The following NCOA2 variants were observed in gnomAD, a reference collection of about 807,000 sequenced individuals.
NCOA2 encodes class E basic helix-loop-helix protein 75.
In NCOA2, 21 loss-of-function variants were observed where a neutral mutation model predicts 145.1. That is an observed-to-expected ratio of 0.14 (90% CI 0.10 to 0.21). The LOEUF (loss-of-function observed/expected upper bound fraction) is 0.21, where lower values mean the gene tolerates loss of function less well. Among genes scored for constraint, NCOA2 ranks in the 10% least tolerant of loss-of-function variants. NCOA2 has a pLI of 1.00. For synonymous variants in NCOA2, 619 were observed against 637.5 expected, an observed-to-expected ratio of 0.97 and a Z score of 0.44; for missense variants, 1,472 against 1,837.6, an observed-to-expected ratio of 0.80 and a Z score of 3.64.
chr8:70,313,779 A>G (rs1389265006), intron 1 of NCOA2, among the ~76,000 whole-genome samples: 1 of 152,194 alleles, frequency 6.6e-6, no homozygotes, highest in Non-Finnish European at 1.5e-5. Context: ...ATGTTTATAC[A>G]AGTTTCTCCC....
At chr8:70,151,818 GTTC>G (rs1262585895) in intron 11 of NCOA2, among the ~76,000 whole-genome samples, 3 of 152,128 alleles carry the variant, frequency 2.0e-5, no homozygotes, top group East Asian at 1.9e-4. Context: ...CACTTTACAT[GTTC>G]TTCTTCAAGG....
intron 2 of NCOA2, among the ~76,000 whole-genome samples, chr8:70,295,298 G>A (rs1827010332): frequency 6.6e-6 from 1 of 152,194 alleles, no homozygotes; most frequent in South Asian, 2.1e-4. Flanking sequence ...GTATCAAGTG[G>A]CAGGTAGTGG....
chr8:70,286,103 A>T (rs1489957456), intron 2 of NCOA2, among the ~76,000 whole-genome samples: 4 of 152,176 alleles, frequency 2.6e-5, no homozygotes, highest in Non-Finnish European at 5.9e-5. Flanking sequence ...GCACTTCTTT[A>T]TATTCTAATG....
At chr8:70,288,943 G>A (rs984806714) in intron 2 of NCOA2, among the ~76,000 whole-genome samples, 2 of 151,990 alleles carry the variant, frequency 1.3e-5, no homozygotes, top group African/African-American at 4.8e-5. Flanking sequence ...AAAGCATCTA[G>A]TTACAAAAAA....
At chr8:70,173,593 T>A (rs1814485429) in intron 5 of NCOA2, among the ~76,000 whole-genome samples, 1 of 152,186 alleles carries the variant, frequency 6.6e-6, no homozygotes, top group Non-Finnish European at 1.5e-5. Flanking sequence ...TTTGCTTTTC[T>A]CCTGGAAAGG....
At chr8:70,443,298 G>C in the NCOA2 span, among the ~76,000 whole-genome samples, 1 of 152,082 alleles carries the variant, frequency 6.6e-6, no homozygotes, top group Non-Finnish European at 1.5e-5. Context: ...GAGCCCAGGA[G>C]GTTGAGGCTG....
intron 2 of NCOA2, among the ~76,000 whole-genome samples, chr8:70,242,286 T>TTA (rs2134475380): frequency 6.6e-6 from 1 of 152,284 alleles, no homozygotes; most frequent in African/African-American, 2.4e-5. Flanking sequence ...AATGTCAAGA[T>TTA]TATAGTGTTT....
intron 4 of NCOA2, among the ~76,000 whole-genome samples, 197 bp downstream of exon 4, chr8:70,213,706 G>C (rs540046873): frequency 6.6e-6 from 1 of 151,962 alleles, no homozygotes; most frequent in African/African-American, 2.4e-5. Context: ...CTGTCTTTAG[G>C]GTATGGCTGA....
rs756460168 is a variant in NCOA2, at chr8:70,144,647, C to T, written c.2807G>A (p.Ser936Asn). ...CAGTGCATTTGACCCCTTACCTGTGCTACTGTTCCCTAAATTTCCTTGGTT... is the reference window on the plus strand; with the variant it reads ...CAGTGCATTTGACCCCTTACCTGTGTTACTGTTCCCTAAATTTCCTTGGTT... ...IGNQGNLGNS[S>N]TGMIGNSASR... The change falls in exon 13 of 23, where the codon AGC becomes AAC. Residue 936 changes from serine (S) to asparagine (N), a missense_variant. Ser to Asn is a conservative substitution (Grantham distance 46). This residue lies in a region of NCOA2 where 953 missense variants were observed against 1,062.1 expected (regional missense o/e 0.90). Transcript: ENST00000452400. 1.2e-6 allele frequency: 2 copies of T among 1,613,078 alleles called. No individual in the cohort carries two copies. Among genetic ancestry groups the T allele is most frequent in the African/African-American group, 1.3e-5 (1 of 75,028 alleles).
intron 1 of NCOA2, among the ~76,000 whole-genome samples, chr8:70,330,478 GAA>G (rs1806996008): frequency 6.6e-6 from 1 of 151,092 alleles, no homozygotes; most frequent in Admixed American, 6.6e-5. Flanking sequence ...GGCTGAGATG[GAA>G]AGATTGTTGG....
chr8:70,211,196 C>G (rs1244938321), intron 4 of NCOA2, among the ~76,000 whole-genome samples: 1 of 152,190 alleles, frequency 6.6e-6, no homozygotes, highest in Non-Finnish European at 1.5e-5. Flanking sequence ...CACAGTGGCT[C>G]ATGCCTGTAA....
intron 2 of NCOA2, among the ~76,000 whole-genome samples, chr8:70,253,701 T>A (rs1290458559): frequency 6.6e-6 from 1 of 152,132 alleles, no homozygotes; most frequent in African/African-American, 2.4e-5. Flanking sequence ...GATATCCTCA[T>A]GAAAAAGAAT....
At chr8:70,402,099 C>T (rs903861344) in intron 1 of NCOA2, 2 of 152,186 alleles carry the variant, frequency 1.3e-5, no homozygotes, top group African/African-American at 4.8e-5. Flanking sequence ...GCATGCAACT[C>T]TGCTCTAACT....
intron 1 of NCOA2, among the ~76,000 whole-genome samples, chr8:70,360,290 T>C (rs1015142841): frequency 6.6e-6 from 1 of 152,222 alleles, no homozygotes; most frequent in Non-Finnish European, 1.5e-5. Flanking sequence ...CTAGTCATTA[T>C]CTGAGAATTT....
chr8:70,267,718 C>CAA (rs1402471092), intron 2 of NCOA2, among the ~76,000 whole-genome samples: 5 of 151,994 alleles, frequency 3.3e-5, no homozygotes, highest in African/African-American at 1.2e-4. Flanking sequence ...TTCAAATATT[C>CAA]AATTAAAATA....
chr8:70,360,117 A>T (rs1448984156), intron 1 of NCOA2, among the ~76,000 whole-genome samples: 4 of 152,222 alleles, frequency 2.6e-5, no homozygotes, highest in Admixed American at 2.6e-4. Flanking sequence ...ACACTAATTA[A>T]GCTAATTTAT....
intron 4 of NCOA2, among the ~76,000 whole-genome samples, chr8:70,211,732 A>G (rs186776097): frequency 6.8e-4 from 103 of 152,354 alleles, no homozygotes; most frequent in African/African-American, 2.4e-3. Context: ...AAAACAAATT[A>G]TTAAACAAAG....
intron 1 of NCOA2, among the ~76,000 whole-genome samples, chr8:70,381,997 G>T (rs756528371): frequency 4.6e-5 from 7 of 152,162 alleles, no homozygotes; most frequent in Admixed American, 1.3e-4. Flanking sequence ...GGATAGAGGA[G>T]CGAGACTGAT....
the NCOA2 span, among the ~76,000 whole-genome samples, chr8:70,445,106 A>G: frequency 6.6e-6 from 1 of 152,188 alleles, no homozygotes; most frequent in Admixed American, 6.5e-5. Context: ...GTTTTACCAC[A>G]CTTTTTTTCT....
Sources: allele counts gnomAD v4.1 joint callset (sites outside exome capture counted in the v4.1 genomes callset), GRCh38; gene constraint gnomAD v4.1.1; regional missense constraint gnomAD v4.1.1; transcripts MANE v1.5; gene names NCBI Gene and HGNC (gene_info 2026-07-23, HGNC 2026-07-21).